Variants in OSBP observed in about 807,000 individuals in gnomAD.
The protein encoded by OSBP is oxysterol binding protein, also known as oxysterol-binding protein 1.
OSBP carries 32 observed loss-of-function variants against 96.6 expected under a neutral mutation model. The observed-to-expected ratio is 0.33, with a 90% CI of 0.25 to 0.45. The LOEUF is 0.45. OSBP is among the 20% of genes least tolerant of loss of function. The pLI, the probability that OSBP is intolerant of heterozygous loss-of-function variation, is 1.00. For synonymous variants in OSBP, 369 were observed against 389.6 expected (o/e 0.95, Z 0.62); for missense variants, 653 against 1,029.7 (o/e 0.63, Z 5.01).
At chr11:59,581,656 T>C (rs1439650717) in intron 9 of OSBP, 102 bp from the exon 10 acceptor site, 17 of 547,288 alleles carry the variant, frequency 3.1e-5, no homozygotes, top group Non-Finnish European at 5.2e-5. Context: ...TTGATATTTA[T>C]TACTTTTAGA....
intron 9 of OSBP, among the ~76,000 whole-genome samples, chr11:59,590,418 A>G (rs76185468): frequency 0.038 from 5,715 of 152,268 alleles, 145 homozygotes; most frequent in Non-Finnish European, 0.043. Flanking sequence ...GCCTCAACTC[A>G]GATCACATAC....
chr11:59,611,078 T>A (rs1317148514), intron 1 of OSBP, among the ~76,000 whole-genome samples: 3 of 141,400 alleles, frequency 2.1e-5, no homozygotes, highest in African/African-American at 8.1e-5. Flanking sequence ...GAGTTTGCAG[T>A]GAGCTGAGAT....
chr11:59,577,831 C>A (rs148750849), intron 12 of OSBP, among the ~76,000 whole-genome samples: 1 of 152,316 alleles, frequency 6.6e-6, no homozygotes, highest in African/African-American at 2.4e-5. Context: ...AGGTGGTAGG[C>A]ACCTTCCTCC....
chr11:59,595,948 T>A (rs1241700231), intron 7 of OSBP, among the ~76,000 whole-genome samples: 3 of 73,138 alleles, frequency 4.1e-5, no homozygotes, highest in Non-Finnish European at 8.0e-5. Context: ...TGTCTAAAAA[T>A]AAATAAATAA....
At chr11:59,595,619 G>A (rs1336169128) in intron 7 of OSBP, among the ~76,000 whole-genome samples, 1 of 152,086 alleles carries the variant, frequency 6.6e-6, no homozygotes, top group East Asian at 1.9e-4. Flanking sequence ...TTTTCAGTTT[G>A]TTTCTATACA....
At chr11:59,578,707 C>G (rs1860387094) in intron 11 of OSBP, among the ~76,000 whole-genome samples, 1 of 152,216 alleles carries the variant, frequency 6.6e-6, no homozygotes, top group Non-Finnish European at 1.5e-5. Flanking sequence ...TTATCTCCAC[C>G]TCCCAAAGTG....
At chr11:59,588,435 C>T (rs1860529799) in intron 9 of OSBP, among the ~76,000 whole-genome samples, 1 of 151,132 alleles carries the variant, frequency 6.6e-6, no homozygotes, top group East Asian at 1.9e-4. Flanking sequence ...ACTCGGGAGG[C>T]TGAGTCACAA....
intron 7 of OSBP, among the ~76,000 whole-genome samples, chr11:59,594,573 TAA>T (rs1167716103): frequency 1.3e-5 from 2 of 152,186 alleles, no homozygotes; most frequent in Non-Finnish European, 2.9e-5. Context: ...GTTGGATGAA[TAA>T]GTTTTTTAAA....
intron 7 of OSBP, 143 bp downstream of exon 7, chr11:59,600,353 T>C (rs1320000376): frequency 2.4e-6 from 2 of 841,768 alleles, no homozygotes; most frequent in African/African-American, 3.4e-5. Context: ...CAGCTAAATT[T>C]ATGGAACAGT....
At chr11:59,594,309 G>T (rs1860621600) in intron 7 of OSBP, 54 bp from the exon 8 acceptor site, 1 of 1,565,522 alleles carries the variant, frequency 6.4e-7, no homozygotes, top group South Asian at 1.2e-5. Context: ...ATAAGAGACA[G>T]TTTAATTTTT....
rs2134714289 is a variant in OSBP at position 59,615,731 on chromosome 11, G to GC, written c.-68dup. On this transcript the variant is annotated 5_prime_UTR_variant, in exon 1 of 14. Transcript: ENST00000263847. ...GAGAGCCGCCGTCGCCGCCCGGAGC[G>GC]CCCCACACGGCTACCGCATCAGCCA... 1 of 1,238,964 alleles carries GC rather than the reference G, an allele frequency of 8.1e-7. No homozygotes were observed. The highest frequency in any genetic ancestry group is 3.0e-5 in the South Asian group (1 of 33,478). The allele number at this position is 1,238,964 out of a possible 1,614,324, so 76.7% of individuals were successfully genotyped here. A position where few individuals can be genotyped will look rare whatever the true frequency, so the allele number is the denominator to read the frequency against.
At position 59,601,333 on chromosome 11, in the gene OSBP, T is replaced by C; in HGVS notation, c.1074A>G (p.Glu358=). 1 of 1,613,716 alleles carries C rather than the reference T, an allele frequency of 6.2e-7. No individual in the cohort carries two copies. The highest frequency in any genetic ancestry group is 1.1e-5 in the South Asian group (1 of 91,072). ...TGATGATCTCAGGTGCATCAAAAAA[T>C]TCATTCTCATCATCTTCATCGCTCA... is the stretch of plus-strand genomic sequence containing the variant. ...GDMSDEDDEN[E]FFDAPEIITM... is the part of the protein sequence containing the mutation. Residue 358 remains glutamate, a synonymous_variant, in exon 5 of 14, where the codon GAA becomes GAG. Transcript: ENST00000263847.
intron 11 of OSBP, among the ~76,000 whole-genome samples, chr11:59,579,621 G>A (rs1590666486): frequency 2.0e-5 from 3 of 151,810 alleles, no homozygotes; most frequent in African/African-American, 7.2e-5. Context: ...CATTGCTCTC[G>A]ACACTTTCAC....
chr11:59,607,909 C>G (rs1026537168), intron 3 of OSBP, among the ~76,000 whole-genome samples: 1 of 152,088 alleles, frequency 6.6e-6, no homozygotes, highest in Non-Finnish European at 1.5e-5. Context: ...GTCTTATCAT[C>G]GAAATTATCC....
intron 1 of OSBP, among the ~76,000 whole-genome samples, chr11:59,613,527 C>T (rs996066098): frequency 6.6e-6 from 1 of 151,918 alleles, no homozygotes; most frequent in African/African-American, 2.4e-5. Flanking sequence ...TTTGAAAATG[C>T]AAAAACAGTA....
Position 59,615,720 on chromosome 11 carries a change from C to A in OSBP, c.-56G>T, listed in dbSNP as rs1449241662. On this transcript the variant is annotated 5_prime_UTR_variant, in exon 1 of 14. Coordinates refer to ENST00000263847, the MANE Select transcript of OSBP (RefSeq NM_002556.3). ...GAACCGCCTACGAGAGCCGCCGTCG[C>A]CGCCCGGAGCGCCCCACACGGCTAC... 3.2e-6 allele frequency: 4 copies of A among 1,251,492 alleles called. No homozygotes were observed. The highest frequency in any genetic ancestry group is 4.0e-6 in the Non-Finnish European group (4 of 998,184). The allele number at this position is 1,251,492 out of a possible 1,614,324, so 77.5% of individuals were successfully genotyped here.
intron 9 of OSBP, among the ~76,000 whole-genome samples, chr11:59,585,611 C>T (rs1340575384): frequency 6.6e-6 from 1 of 152,150 alleles, no homozygotes; most frequent in East Asian, 1.9e-4. Context: ...TGCCCAGCCG[C>T]CCCTACTGGG....
In OSBP at chr11:59,615,770, T is replaced by G. The variant is rs974240406; in HGVS notation, c.-106A>C. 3.3e-6 allele frequency: 4 copies of G among 1,207,158 alleles called. No homozygotes were observed. In the South Asian group the frequency reaches 1.5e-4, roughly 44 times the overall value. 74.8% of individuals were successfully genotyped at this position (1,207,158 alleles called of 1,614,324 possible). ...CCGCATCAGCCACCGCCGCGCAGCG[T>G]CCCCGCCCCGCCCGGCCAGCCGCGG... is the stretch of plus-strand genomic sequence containing the variant. On this transcript the variant is annotated 5_prime_UTR_variant, in exon 1 of 14. Coordinates refer to ENST00000263847, the MANE Select transcript of OSBP (RefSeq NM_002556.3).
At chr11:59,588,033 G>T (rs1011499345) in intron 9 of OSBP, among the ~76,000 whole-genome samples, 3 of 152,120 alleles carry the variant, frequency 2.0e-5, no homozygotes, top group Non-Finnish European at 2.9e-5. Context: ...CACACAATAG[G>T]ATAAATATTA....
Sources: allele counts gnomAD v4.1 joint callset (sites outside exome capture counted in the v4.1 genomes callset), GRCh38; gene constraint gnomAD v4.1.1; transcripts MANE v1.5; gene names NCBI Gene and HGNC (gene_info 2026-07-23, HGNC 2026-07-21).